ZFAND4: variants seen among roughly 807,000 people sequenced by gnomAD.
ZFAND4 encodes zinc finger AN1-type containing 4.
ZFAND4 carries 43 observed loss-of-function variants against 64.4 expected under a neutral mutation model. The ratio of observed to expected loss-of-function variants is 0.67; its 90% CI spans 0.52 to 0.86. The LOEUF (loss-of-function observed/expected upper bound fraction) is 0.86. ZFAND4 is among the 40% of genes least tolerant of loss of function. The probability of loss-of-function intolerance (pLI) is 0.00; values close to 1 mark genes in which losing one functional copy is unlikely to be tolerated. For synonymous variants in ZFAND4, 296 were observed against 305.7 expected, an observed-to-expected ratio of 0.97 and a Z score of 0.33; for missense variants, 929 against 859.8, an observed-to-expected ratio of 1.08 and a Z score of -1.01.
At chr10:45,638,129 A>G (rs191395522) in intron 6 of ZFAND4, among the ~76,000 whole-genome samples, 17 of 152,310 alleles carry the variant, frequency 1.1e-4, no homozygotes, top group African/African-American at 3.8e-4. Context: ...AAGTGTTGAC[A>G]AGAATGTGGC....
intron 6 of ZFAND4, among the ~76,000 whole-genome samples, chr10:45,630,645 G>A (rs574384098): frequency 1.3e-5 from 2 of 152,076 alleles, no homozygotes; most frequent in African/African-American, 4.8e-5. Flanking sequence ...GAATTGGCAT[G>A]AACCCGGAAG....
chr10:45,635,229 C>CAAAAAAAAAA, intron 6 of ZFAND4, among the ~76,000 whole-genome samples: 1 of 110,012 alleles, frequency 9.1e-6, no homozygotes, highest in Non-Finnish European at 1.9e-5. Context: ...AAAAAACAAA[C>CAAAAAAAAAA]AAAAAAAAAC....
rs769147181 is a variant in ZFAND4 at position 45,626,740 on chromosome 10, T to G, written c.1083A>C (p.Ser361=). The stretch of plus-strand genomic sequence containing the variant: ...AATGTTTTGTTTGCCTAGGCAGGGA[T>G]GATCCAAGATGGAGAACAGAGTCAG... ...ELADSVLHLG[S]SLPRQTKHFL... is the part of the protein sequence containing the mutation. Residue 361 remains serine (S), a synonymous_variant, in exon 7 of 10, where the codon TCA becomes TCC. Coordinates refer to ENST00000344646, the MANE Select transcript of ZFAND4 (RefSeq NM_174890.4). 5.6e-6 allele frequency: 9 copies of G among 1,614,236 alleles called. No homozygotes were observed. In the Admixed American group the frequency reaches 1.5e-4, roughly 27 times the overall value.
intron 6 of ZFAND4, among the ~76,000 whole-genome samples, chr10:45,638,643 T>A (rs1167125233): frequency 1.3e-5 from 2 of 152,116 alleles, no homozygotes; most frequent in Non-Finnish European, 2.9e-5. Flanking sequence ...CACCAAAGAA[T>A]GTATGAGAAT....
intron 5 of ZFAND4, 128 bp downstream of exon 5, chr10:45,648,166 T>C (rs2047516994): frequency 1.1e-6 from 1 of 927,490 alleles, no homozygotes; most frequent in Non-Finnish European, 1.5e-6. Context: ...AGTTTTATCA[T>C]ATCAATTATA....
chr10:45,621,705 G>A (rs375825268), intron 8 of ZFAND4, among the ~76,000 whole-genome samples: 51 of 152,114 alleles, frequency 3.4e-4, no homozygotes, highest in African/African-American at 1.1e-3. Context: ...TCGTGCCACC[G>A]CACTCCAGCC....
chr10:45,632,166 A>G (rs1462586393), intron 6 of ZFAND4, among the ~76,000 whole-genome samples: 1 of 152,160 alleles, frequency 6.6e-6, no homozygotes, highest in Non-Finnish European at 1.5e-5. Flanking sequence ...CAGCCTGGCC[A>G]ACATGGTGAA....
chr10:45,626,885 G>C lies in ZFAND4; in HGVS notation c.938C>G (p.Thr313Ser). Residue 313 changes from threonine (T) to serine (S), a missense_variant, in exon 7 of 10, where the codon ACT becomes AGT. By Grantham distance (58) the Thr-to-Ser change is moderately conservative (BLOSUM62 1). Transcript: ENST00000344646. ...LSAERYISSI[T>S]GEFLKEDNSW... is the part of the protein sequence containing the mutation. The stretch of plus-strand genomic sequence containing the variant: ...ATTATCTTCCTTAAGAAATTCACCA[G>C]TGATAGAAGATATGTATCTCTCAGC... The C allele has an allele frequency of 6.2e-7, 1 of 1,614,244 alleles. No individual in the cohort carries two copies. Among genetic ancestry groups the C allele is most frequent in the Non-Finnish European group, 8.5e-7 (1 of 1,180,048 alleles).
At chr10:45,623,516 G>A (rs1253368850) in intron 8 of ZFAND4, among the ~76,000 whole-genome samples, 1 of 152,174 alleles carries the variant, frequency 6.6e-6, no homozygotes, top group Non-Finnish European at 1.5e-5. Flanking sequence ...GGTAAACTTT[G>A]AGGACATTCT....
chr10:45,635,691 A>C (rs779469759), intron 6 of ZFAND4, among the ~76,000 whole-genome samples: 33 of 152,202 alleles, frequency 2.2e-4, no homozygotes, highest in Non-Finnish European at 4.1e-4. Flanking sequence ...TGAATGGATT[A>C]AAAAAGTGTG....
intron 2 of ZFAND4, 131 bp from the exon 3 acceptor site, chr10:45,653,190 G>C (rs945787616): frequency 3.1e-6 from 2 of 655,504 alleles, no homozygotes; most frequent in African/African-American, 1.8e-5. Context: ...TTGAATGCTA[G>C]GTGCTAAAAT....
intron 2 of ZFAND4, among the ~76,000 whole-genome samples, chr10:45,661,982 T>C (rs1039323975): frequency 6.6e-6 from 1 of 150,742 alleles, no homozygotes; most frequent in Admixed American, 6.6e-5. Flanking sequence ...CTCTCTGCCA[T>C]GTGAAAATGC....
intron 7 of ZFAND4, 49 bp downstream of exon 7, chr10:45,625,902 A>T: frequency 6.6e-7 from 1 of 1,506,160 alleles, no homozygotes; most frequent in Non-Finnish European, 8.9e-7. Context: ...AAATAAGTTG[A>T]ATCACTACAA....
intron 7 of ZFAND4, among the ~76,000 whole-genome samples, chr10:45,624,910 T>C (rs145225065): frequency 0.012 from 1,778 of 152,210 alleles, 15 homozygotes; most frequent in Non-Finnish European, 0.02. Flanking sequence ...GGTGAGAGGA[T>C]TGCTTGAGCC....
intron 7 of ZFAND4, among the ~76,000 whole-genome samples, chr10:45,625,032 C>T (rs1360509322): frequency 6.6e-6 from 1 of 151,828 alleles, no homozygotes; most frequent in Non-Finnish European, 1.5e-5. Context: ...TAAAAGTTAG[C>T]CAGGCATGGT....
At chr10:45,623,521 C>T (rs1208264946) in intron 8 of ZFAND4, among the ~76,000 whole-genome samples, 1 of 152,162 alleles carries the variant, frequency 6.6e-6, no homozygotes, top group African/African-American at 2.4e-5. Flanking sequence ...ACTTTGAGGA[C>T]ATTCTGATAA....
rs1564632782 is a variant in ZFAND4 at position 45,663,534 on chromosome 10, A to C, written c.184+8T>G. ...TTTCATATCCTAAAAACAAAGAAAGATGAGTACCTTCCAATCTTCGAATTT... is the reference window on the plus strand; with the variant it reads ...TTTCATATCCTAAAAACAAAGAAAGCTGAGTACCTTCCAATCTTCGAATTT... On this transcript the variant is annotated splice_region_variant and intron_variant, in intron 2 of 9. Coordinates refer to ENST00000344646, the MANE Select transcript of ZFAND4 (RefSeq NM_174890.4). 1.3e-6 allele frequency: 2 copies of C among 1,576,056 alleles called. No individual in the cohort carries two copies. Among genetic ancestry groups the C allele is most frequent in the Non-Finnish European group, 1.7e-6 (2 of 1,166,174 alleles).
intron 1 of ZFAND4, among the ~76,000 whole-genome samples, chr10:45,664,917 C>A (rs995545902): frequency 1.3e-5 from 2 of 151,764 alleles, no homozygotes; most frequent in African/African-American, 4.8e-5. Flanking sequence ...GGCAACAGAG[C>A]AAGACTCTGG....
At chr10:45,645,051 G>A (rs934786002) in intron 5 of ZFAND4, among the ~76,000 whole-genome samples, 6 of 145,650 alleles carry the variant, frequency 4.1e-5, no homozygotes, top group African/African-American at 1.5e-4. Flanking sequence ...GTGTGATCTC[G>A]GCTCACTGCA....
Sources: gnomAD v4.1 joint callset for allele counts (sites outside exome capture counted in the v4.1 genomes callset) on GRCh38, gnomAD v4.1.1 for gene constraint, MANE v1.5 for transcripts, NCBI Gene and HGNC (gene_info 2026-07-23, HGNC 2026-07-21) for gene names.